MAN2A1: variants seen among roughly 807,000 people sequenced by gnomAD.
MAN2A1 encodes the protein alpha-mannosidase 2.
Under a neutral mutation model 142.6 loss-of-function variants are expected in MAN2A1, and 76 were observed. The ratio of observed to expected loss-of-function variants is 0.53; its 90% confidence interval spans 0.44 to 0.65. MAN2A1 has a LOEUF of 0.65. Ranked by LOEUF, MAN2A1 falls within the 30% of genes least tolerant of loss-of-function variation. MAN2A1 has a pLI of 0.00. For synonymous variants in MAN2A1, 559 were observed against 473.2 expected (o/e 1.18, Z -2.35); for missense variants, 1,311 against 1,365.1 (o/e 0.96, Z 0.62).
At position 109,690,512 on chromosome 5, in the gene MAN2A1, A is replaced by T; in HGVS notation, c.95A>T (p.Asp32Val). 1 of 1,613,036 alleles carries T rather than the reference A, an allele frequency of 6.2e-7. No homozygotes were observed. The change falls in exon 1 of 22, where the codon GAC becomes GTC. Residue 32 changes from aspartate (D) to valine (V), a missense_variant. This residue lies in a region of MAN2A1 where 409 missense variants were observed against 412.7 expected (regional missense o/e 0.99). Transcript: ENST00000261483. Reference protein sequence around the residue: ...LYLMLDRGHLDYPRNPRREGS... With the variant: ...LYLMLDRGHLVYPRNPRREGS... Reference sequence around the variant, plus strand: ...CTGATGCTGGACCGGGGTCACTTAGACTACCCCAGGAACCCGCGCCGCGAG... The same window carrying T: ...CTGATGCTGGACCGGGGTCACTTAGTCTACCCCAGGAACCCGCGCCGCGAG...
At chr5:109,736,511 G>T (rs2416218) in intron 4 of MAN2A1, among the ~76,000 whole-genome samples, 8 of 151,302 alleles carry the variant, frequency 5.3e-5, no homozygotes, top group African/African-American at 1.9e-4. Context: ...GGCAAGACCG[G>T]AACTCTAAAA....
At chr5:109,744,749 T>C (rs1752354144) in intron 4 of MAN2A1, among the ~76,000 whole-genome samples, 1 of 152,042 alleles carries the variant, frequency 6.6e-6, no homozygotes, top group Non-Finnish European at 1.5e-5. Context: ...ATCTGGGGGC[T>C]CCACTCCTAG....
At chr5:109,759,363 A>AT (rs1464347176) in intron 5 of MAN2A1, among the ~76,000 whole-genome samples, 4 of 152,120 alleles carry the variant, frequency 2.6e-5, no homozygotes, top group Middle Eastern at 3.2e-3. Context: ...TTTTAGGATT[A>AT]TTCATTGCTA....
At chr5:109,788,138 G>A (rs187504694) in intron 10 of MAN2A1, among the ~76,000 whole-genome samples, 108 of 151,156 alleles carry the variant, frequency 7.1e-4, no homozygotes, top group African/African-American at 2.5e-3. Context: ...GATTAGCGAG[G>A]AGTTTCTACG....
Position 109,855,142 on chromosome 5 carries a change from A to G in MAN2A1, c.2979A>G (p.Glu993=). 1 of 1,532,092 alleles carries G rather than the reference A, an allele frequency of 6.5e-7. No individual in the cohort carries two copies. Among genetic ancestry groups the G allele is most frequent in the Non-Finnish European group, 8.7e-7 (1 of 1,146,904 alleles). 94.9% of individuals were successfully genotyped at this position (1,532,092 alleles called of 1,614,324 possible). The change falls in exon 20 of 22, where the codon GAA becomes GAG. Residue 993 remains glutamate (E), a splice_region_variant and synonymous_variant. Transcript: ENST00000261483. ...LLEKRSAVNT[E]EEKKSVSYPS... is the part of the protein sequence containing the mutation. ...ACATTTTTGTTTTTTCTTGATAGGA[A>G]GAAGAAAAGAAGTCGGTCAGTTATC...
chr5:109,732,954 A>G (rs1291888360), intron 4 of MAN2A1, among the ~76,000 whole-genome samples: 1 of 152,218 alleles, frequency 6.6e-6, no homozygotes, highest in Non-Finnish European at 1.5e-5. Context: ...TACCTTGGGC[A>G]GTATGGCCAT....
intron 6 of MAN2A1, among the ~76,000 whole-genome samples, chr5:109,770,128 C>G (rs1386529374): frequency 6.6e-6 from 1 of 152,122 alleles, no homozygotes; most frequent in Non-Finnish European, 1.5e-5. Flanking sequence ...CCTGTCTCTG[C>G]TATGCTTAGA....
intron 10 of MAN2A1, among the ~76,000 whole-genome samples, chr5:109,787,539 A>G (rs1235950713): frequency 6.6e-6 from 1 of 152,030 alleles, no homozygotes; most frequent in Non-Finnish European, 1.5e-5. Flanking sequence ...AAGCAGCTCT[A>G]TACATCCTGA....
chr5:109,855,371 T>C, intron 20 of MAN2A1, 37 bp downstream of exon 20: 1 of 1,346,120 alleles, frequency 7.4e-7, no homozygotes, highest in Non-Finnish European at 9.9e-7. Flanking sequence ...AAATTACTGT[T>C]TATTATGTAC....
rs1755949259 is a variant in MAN2A1, at chr5:109,868,938, T to C, written c.*1940T>C. 6.7e-6 allele frequency: 1 copy of C among 149,828 alleles called. No individual in the cohort carries two copies. The highest frequency in any genetic ancestry group is 2.5e-5 in the African/African-American group (1 of 40,812). The allele number at this position is 149,828 out of a possible 1,614,324, so 9.3% of individuals were successfully genotyped here. A position where few individuals can be genotyped will look rare whatever the true frequency, so the allele number is the denominator to read the frequency against. On this transcript the variant is annotated 3_prime_UTR_variant, in exon 22 of 22. Coordinates refer to ENST00000261483, the MANE Select transcript of MAN2A1 (RefSeq NM_002372.4). Reference sequence around the variant, plus strand: ...TTCTCGAAATTGTGATCAGATGAAATAAAAAAAAAATCTTGATGCAATAAC... The same window carrying C: ...TTCTCGAAATTGTGATCAGATGAAACAAAAAAAAAATCTTGATGCAATAAC...
At chr5:109,716,945 C>T (rs181809047) in intron 3 of MAN2A1, among the ~76,000 whole-genome samples, 27 of 152,274 alleles carry the variant, frequency 1.8e-4, no homozygotes, top group Admixed American at 3.9e-4. Context: ...TCCCTTCCCC[C>T]ACCCCTGACC....
At chr5:109,812,948 C>A (rs989919007) in intron 12 of MAN2A1, among the ~76,000 whole-genome samples, 16 of 151,948 alleles carry the variant, frequency 1.1e-4, no homozygotes, top group African/African-American at 3.1e-4. Flanking sequence ...TTTTCATATG[C>A]CTTTTGGTGT....
chr5:109,776,477 A>G lies in MAN2A1; in HGVS notation c.1374+1512A>G, dbSNP rs559789831. Among the ~76,000 whole-genome samples the G allele has an allele frequency of 3.9e-5, 6 of 152,224 alleles. No homozygotes were observed. The South Asian group carries it at 1.2e-3, about 32-fold the overall frequency. On this transcript the variant is annotated intron_variant, in intron 8 of 21. Transcript: ENST00000261483. ...ATATATGAGTATCTTATCTGTAATT[A>G]CATCTTACTAGGAAGTGATTTTGGT...
At chr5:109,853,052 C>T (rs2112770742) in intron 19 of MAN2A1, among the ~76,000 whole-genome samples, 1 of 152,294 alleles carries the variant, frequency 6.6e-6, no homozygotes, top group South Asian at 2.1e-4. Context: ...CAGTAAACTA[C>T]ACAGTTTTTA....
chr5:109,767,648 G>A lies in MAN2A1; in HGVS notation c.949G>A (p.Ala317Thr), dbSNP rs146882808. ...SHMLIQRVHY[A>T]VKKHFALHKT... ...CATGCTTATCCAGAGAGTTCATTAT[G>A]CAGTTAAAAAACACTTTGCACTGCA... is the stretch of plus-strand genomic sequence containing the variant. Residue 317 changes from alanine to threonine, a missense_variant, in exon 6 of 22, where the codon GCA becomes ACA. Ala to Thr is a moderately conservative substitution (Grantham distance 58). Coordinates refer to ENST00000261483, the MANE Select transcript of MAN2A1 (RefSeq NM_002372.4). 1,130 of 1,613,690 alleles carry A rather than the reference G, an allele frequency of 7.0e-4. 3 individuals carry two copies. The highest frequency in any genetic ancestry group is 8.9e-4 in the Non-Finnish European group (1,051 of 1,179,726).
chr5:109,690,449 G>T lies in MAN2A1; in HGVS notation c.32G>T (p.Gly11Val), dbSNP rs150195167. MKLSRQFTVF[G>V]SAIFCVVIFS... ...TTAAGCCGCCAGTTCACCGTGTTCG[G>T]CAGTGCGATCTTCTGTGTGGTGATT... Residue 11 changes from glycine (G) to valine (V), a missense_variant, in exon 1 of 22, where the codon GGC (glycine) becomes GTC (valine). Gly to Val is a moderately radical substitution (Grantham distance 109). Around this residue, in one of 3 missense-constraint regions of MAN2A1, gnomAD observed 409 missense variants for 412.7 expected, o/e 0.99. Transcript: ENST00000261483. 5.0e-6 allele frequency: 8 copies of T among 1,613,962 alleles called. No homozygotes were observed. In the African/African-American group the frequency reaches 1.1e-4, roughly 22 times the overall value.
intron 4 of MAN2A1, among the ~76,000 whole-genome samples, chr5:109,751,805 A>G (rs948850249): frequency 2.7e-5 from 4 of 150,672 alleles, no homozygotes; most frequent in South Asian, 2.1e-4. Flanking sequence ...TCTTATCTCC[A>G]TTTCTCTTAT....
rs746855446 is a variant in MAN2A1 at position 109,823,791 on chromosome 5, CT to C, written c.2526del (p.Phe842LeufsTer16). 1.9e-6 allele frequency: 3 copies of C among 1,607,822 alleles called. No homozygotes were observed. Among genetic ancestry groups the C allele is most frequent in the Non-Finnish European group, 2.5e-6 (3 of 1,177,414 alleles). On this transcript the variant is annotated frameshift_variant, in exon 16 of 22. Coordinates refer to ENST00000261483, the MANE Select transcript of MAN2A1 (RefSeq NM_002372.4). LOFTEE classifies it high-confidence loss of function. Reference sequence around the variant, plus strand: ...GAAGGATTTATTCGGAAGTGACTTGCTTTTTTGACCATGTTACTCATAGAGT... The same window carrying C: ...GAAGGATTTATTCGGAAGTGACTTGCTTTTTGACCATGTTACTCATAGAGT... ...HGRIYSEVTC[F>X]FDHVTHRVRL...
At chr5:109,856,522 C>T (rs1365256560) in intron 20 of MAN2A1, among the ~76,000 whole-genome samples, 1 of 152,068 alleles carries the variant, frequency 6.6e-6, no homozygotes, top group African/African-American at 2.4e-5. Context: ...TGTAAAGGGG[C>T]CTGTCTTTAG....
Sources: allele counts gnomAD v4.1 joint callset (sites outside exome capture counted in the v4.1 genomes callset), GRCh38; gene constraint gnomAD v4.1.1; regional missense constraint gnomAD v4.1.1; transcripts MANE v1.5; gene names NCBI Gene and HGNC (gene_info 2026-07-23, HGNC 2026-07-21).